Variants in BMAL1 observed in about 807,000 individuals in gnomAD.
BMAL1 encodes basic helix-loop-helix ARNT like 1.
the BMAL1 span, among the ~76,000 whole-genome samples, chr11:13,283,716 G>A: frequency 0.47 from 70,693 of 151,896 alleles, 17,516 homozygotes; most frequent in Non-Finnish European, 0.57. Context: ...CTTTTAGAGC[G>A]GAGCTGCCTG....
the BMAL1 span, among the ~76,000 whole-genome samples, chr11:13,385,062 A>C: frequency 3.9e-5 from 6 of 152,146 alleles, no homozygotes; most frequent in African/African-American, 1.4e-4. Context: ...CCTCACGTAT[A>C]TCCAGATAGG....
chr11:13,309,449 T>C, the BMAL1 span, among the ~76,000 whole-genome samples: 1 of 152,182 alleles, frequency 6.6e-6, no homozygotes, highest in Non-Finnish European at 1.5e-5. Context: ...GTATTTAGAT[T>C]AATTTCATTA....
chr11:13,281,550 G>A, the BMAL1 span, among the ~76,000 whole-genome samples: 1 of 152,072 alleles, frequency 6.6e-6, no homozygotes, highest in Non-Finnish European at 1.5e-5. Context: ...CATGGTCTCA[G>A]TCTTGCCTGG....
chr11:13,345,102 T>C, the BMAL1 span, among the ~76,000 whole-genome samples: 52 of 152,344 alleles, frequency 3.4e-4, no homozygotes, highest in African/African-American at 1.2e-3. Context: ...CGCCACATCA[T>C]GGAAGGCTGC....
the BMAL1 span, among the ~76,000 whole-genome samples, chr11:13,283,594 A>G: frequency 3.3e-4 from 51 of 152,276 alleles, no homozygotes; most frequent in African/African-American, 1.0e-3. Context: ...TCCTACTGGG[A>G]GGAAACACCC....
the BMAL1 span, among the ~76,000 whole-genome samples, chr11:13,293,100 G>A: frequency 1.3e-5 from 2 of 152,162 alleles, no homozygotes; most frequent in Admixed American, 6.5e-5. Context: ...TTGGGAAGAT[G>A]CCTGAGTCAA....
the BMAL1 span, among the ~76,000 whole-genome samples, chr11:13,302,335 G>A: frequency 1.3e-5 from 2 of 152,190 alleles, no homozygotes; most frequent in African/African-American, 2.4e-5. Context: ...AGAGTGCTGC[G>A]TGTTCCTGGG....
the BMAL1 span, chr11:13,277,932 C>G: frequency 6.6e-6 from 1 of 151,356 alleles, no homozygotes; most frequent in Non-Finnish European, 1.5e-5. Context: ...CGGTGAGTGT[C>G]AGGCCGGCGG....
the BMAL1 span, chr11:13,355,241 T>TG: frequency 1.9e-6 from 3 of 1,613,690 alleles, no homozygotes; most frequent in Non-Finnish European, 2.5e-6. Flanking sequence ...AGGTCGAATT[T>TG]GGGGAGCACA....
the BMAL1 span, chr11:13,386,764 A>C: frequency 1.2e-6 from 2 of 1,612,668 alleles, no homozygotes; most frequent in Admixed American, 1.7e-5. Context: ...TAAACACTAC[A>C]TGTTGCTTTG....
chr11:13,366,338 T>TG, the BMAL1 span, among the ~76,000 whole-genome samples: 5 of 152,220 alleles, frequency 3.3e-5, no homozygotes, highest in South Asian at 4.1e-4. Flanking sequence ...ACAGAGAGGC[T>TG]GAACAGCAGA....
the BMAL1 span, among the ~76,000 whole-genome samples, chr11:13,360,742 C>CT: frequency 6.6e-6 from 1 of 152,192 alleles, no homozygotes; most frequent in Non-Finnish European, 1.5e-5. Context: ...TAGGAAGGGA[C>CT]TGAAACCAAC....
chr11:13,289,076 A>G, the BMAL1 span, among the ~76,000 whole-genome samples: 5 of 152,192 alleles, frequency 3.3e-5, no homozygotes, highest in Admixed American at 2.0e-4. Context: ...AATGTCTCAA[A>G]CTGAGCCTGA....
chr11:13,343,309 C>T, the BMAL1 span, among the ~76,000 whole-genome samples: 1 of 152,184 alleles, frequency 6.6e-6, no homozygotes, highest in Non-Finnish European at 1.5e-5. Flanking sequence ...GTTCCCTTTT[C>T]AGATGGTTCG....
At chr11:13,327,315 C>T in the BMAL1 span, among the ~76,000 whole-genome samples, 4 of 152,110 alleles carry the variant, frequency 2.6e-5, no homozygotes, top group South Asian at 4.2e-4. Flanking sequence ...GCCTACTATG[C>T]GCCGGACATT....
chr11:13,349,857 C>A, the BMAL1 span: 7 of 152,196 alleles, frequency 4.6e-5, no homozygotes, highest in African/African-American at 1.7e-4. Flanking sequence ...CCATCTACAC[C>A]ATCTCCCTTA....
the BMAL1 span, among the ~76,000 whole-genome samples, chr11:13,288,552 A>G: frequency 6.6e-6 from 1 of 151,726 alleles, no homozygotes; most frequent in Non-Finnish European, 1.5e-5. Context: ...TTAAGTGGCA[A>G]GTCGGAGTTT....
At chr11:13,315,241 A>C in the BMAL1 span, among the ~76,000 whole-genome samples, 1 of 152,176 alleles carries the variant, frequency 6.6e-6, no homozygotes, top group African/African-American at 2.4e-5. Context: ...CTGTTCCCTC[A>C]GCCTGGAATG....
At chr11:13,339,508 T>C in the BMAL1 span, among the ~76,000 whole-genome samples, 4 of 151,628 alleles carry the variant, frequency 2.6e-5, no homozygotes, top group Non-Finnish European at 5.9e-5. Flanking sequence ...AGGGATCATG[T>C]CACTCCCCAT....
Sources: gnomAD v4.1 joint callset for allele counts (sites outside exome capture counted in the v4.1 genomes callset) on GRCh38, gnomAD v4.1.1 for gene constraint, MANE v1.5 for transcripts, NCBI Gene and HGNC (gene_info 2026-07-23, HGNC 2026-07-21) for gene names.